LRMDA: variants seen among roughly 807,000 people sequenced by gnomAD.
LRMDA encodes leucine rich melanocyte differentiation associated.
In LRMDA, 18 loss-of-function variants were observed where a neutral mutation model predicts 29.8. The observed-to-expected ratio is 0.60, with a 90% confidence interval of 0.42 to 0.90. The LOEUF is 0.90. LRMDA is among the 40% of genes least tolerant of loss of function. The probability of loss-of-function intolerance (pLI) is 0.00; values close to 1 mark genes in which losing one functional copy is unlikely to be tolerated. For missense variants in LRMDA, 273 were observed against 273.9 expected (o/e 1.00, Z 0.02); for synonymous variants, 125 against 109.4 (o/e 1.14, Z -0.89).
intron 6 of LRMDA, among the ~76,000 whole-genome samples, chr10:76,466,821 C>T (rs1444209301): frequency 1.3e-5 from 2 of 152,070 alleles, no homozygotes; most frequent in African/African-American, 2.4e-5. Flanking sequence ...AGAAAATAAG[C>T]AGCACAGATT....
At chr10:75,441,339 C>A (rs1235108492) in intron 2 of LRMDA, among the ~76,000 whole-genome samples, 1 of 152,182 alleles carries the variant, frequency 6.6e-6, no homozygotes, top group Non-Finnish European at 1.5e-5. Flanking sequence ...GACCATCTTT[C>A]GGCTCTGTTG....
chr10:76,240,763 G>GAGAT (rs55944717), intron 5 of LRMDA, among the ~76,000 whole-genome samples: 17,634 of 143,814 alleles, frequency 0.12, 1,202 homozygotes, highest in African/African-American at 0.18. Context: ...AAGAAAATGT[G>GAGAT]AGATAGATAG....
rs183254822 is a variant in LRMDA, at chr10:76,120,620, T to C, written c.516+61837T>C. 7.9e-5 allele frequency among the ~76,000 whole-genome samples: 12 copies of C among 152,236 alleles called. No homozygotes were observed. In the East Asian group the frequency reaches 2.3e-3, roughly 29 times the overall value. ...CAGTATATTGGAAAATATTTAAAAA[T>C]GGGATGATAGCATAAGAAATGCTGT... On this transcript the variant is annotated intron_variant, in intron 5 of 6. Transcript: ENST00000611255.
chr10:76,042,497 T>G (rs1329591081), intron 3 of LRMDA, among the ~76,000 whole-genome samples: 1 of 152,180 alleles, frequency 6.6e-6, no homozygotes, highest in African/African-American at 2.4e-5. Context: ...GTGTGAAACC[T>G]CTGTAATTTG....
At chr10:75,830,990 C>A (rs1044437976) in intron 2 of LRMDA, among the ~76,000 whole-genome samples, 1 of 151,912 alleles carries the variant, frequency 6.6e-6, no homozygotes, top group African/African-American at 2.4e-5. Context: ...GAGAAATTAG[C>A]CAAAAGAAAG....
chr10:75,852,716 A>C (rs1844752801), intron 2 of LRMDA, among the ~76,000 whole-genome samples: 1 of 152,124 alleles, frequency 6.6e-6, no homozygotes, highest in Non-Finnish European at 1.5e-5. Flanking sequence ...ATGGATGGGC[A>C]GGCTTGTGGA....
intron 2 of LRMDA, among the ~76,000 whole-genome samples, chr10:75,563,379 A>C (rs945386296): frequency 6.6e-6 from 1 of 152,084 alleles, no homozygotes; most frequent in African/African-American, 2.4e-5. Context: ...TTTCAGCTTC[A>C]TCAGCTCCTT....
At chr10:75,907,598 A>G (rs1173002792) in intron 2 of LRMDA, among the ~76,000 whole-genome samples, 1 of 152,242 alleles carries the variant, frequency 6.6e-6, no homozygotes, top group Non-Finnish European at 1.5e-5. Context: ...CTGACATTAA[A>G]GAGTGATGGC....
chr10:75,957,076 T>C (rs968171706), intron 2 of LRMDA, among the ~76,000 whole-genome samples: 5 of 152,248 alleles, frequency 3.3e-5, no homozygotes, highest in African/African-American at 4.8e-5. Flanking sequence ...TAGTTCATGG[T>C]AGATACTTAA....
intron 2 of LRMDA, among the ~76,000 whole-genome samples, chr10:75,827,406 A>T (rs9787484): frequency 0.19 from 28,727 of 152,018 alleles, 2,923 homozygotes; most frequent in Admixed American, 0.24. Flanking sequence ...AGACCTGGAG[A>T]CATTTAAACA....
chr10:76,025,761 C>A (rs1432759505), intron 2 of LRMDA, among the ~76,000 whole-genome samples: 1 of 152,156 alleles, frequency 6.6e-6, no homozygotes, highest in African/African-American at 2.4e-5. Context: ...AATTCATTTG[C>A]ATTGAGACTT....
chr10:76,393,082 T>A (rs1262639397), intron 6 of LRMDA, among the ~76,000 whole-genome samples: 2 of 152,168 alleles, frequency 1.3e-5, no homozygotes, highest in Admixed American at 6.5e-5. Context: ...ATCCATTCAT[T>A]CATTGATGGA....
At chr10:76,435,758 A>G (rs1842238351) in intron 6 of LRMDA, among the ~76,000 whole-genome samples, 2 of 152,192 alleles carry the variant, frequency 1.3e-5, no homozygotes, top group Admixed American at 1.3e-4. Flanking sequence ...ACCTTAGGCC[A>G]TAGCAGTTCT....
intron 2 of LRMDA, among the ~76,000 whole-genome samples, chr10:75,518,990 C>T (rs1845326598): frequency 6.6e-6 from 1 of 152,172 alleles, no homozygotes; most frequent in African/African-American, 2.4e-5. Flanking sequence ...GCAGGTTGTT[C>T]AGTTTCCATG....
At chr10:75,531,455 T>C (rs1845477617) in intron 2 of LRMDA, among the ~76,000 whole-genome samples, 1 of 152,010 alleles carries the variant, frequency 6.6e-6, no homozygotes, top group South Asian at 2.1e-4. Flanking sequence ...AACCTGAGGG[T>C]CTCAACAGCC....
intron 2 of LRMDA, among the ~76,000 whole-genome samples, chr10:75,702,129 C>A (rs978646280): frequency 3.9e-5 from 6 of 152,136 alleles, no homozygotes; most frequent in Non-Finnish European, 7.4e-5. Flanking sequence ...AGAAGGCACT[C>A]CCTGCACCCT....
intron 6 of LRMDA, among the ~76,000 whole-genome samples, chr10:76,512,320 C>A (rs1843016719): frequency 6.6e-6 from 1 of 152,126 alleles, no homozygotes; most frequent in African/African-American, 2.4e-5. Context: ...TCACACTTCC[C>A]AATTTCAAAA....
At chr10:76,325,120 T>C (rs1190210129) in intron 6 of LRMDA, among the ~76,000 whole-genome samples, 2 of 152,164 alleles carry the variant, frequency 1.3e-5, no homozygotes, top group Non-Finnish European at 2.9e-5. Context: ...AAATATTGTT[T>C]CCCCAAGAAG....
intron 6 of LRMDA, among the ~76,000 whole-genome samples, chr10:76,427,580 T>C (rs983140573): frequency 3.3e-5 from 5 of 152,194 alleles, no homozygotes; most frequent in African/African-American, 9.7e-5. Flanking sequence ...CTTTTCCTAA[T>C]TGAATGCCCT....
Sources: allele counts gnomAD v4.1 joint callset (sites outside exome capture counted in the v4.1 genomes callset), GRCh38; gene constraint gnomAD v4.1.1; transcripts MANE v1.5; gene names NCBI Gene and HGNC (gene_info 2026-07-23, HGNC 2026-07-21).